Variants in GALNT5 observed in about 807,000 individuals in gnomAD.
The protein encoded by GALNT5 is polypeptide N-acetylgalactosaminyltransferase 5.
A neutral mutation model predicts 85.4 loss-of-function variants in GALNT5; 72 were observed. That is an observed-to-expected ratio of 0.84 (90% CI 0.70 to 1.03). The LOEUF is 1.03. GALNT5 is among the 50% of genes least tolerant of loss of function. GALNT5 has a pLI of 0.00. For missense variants in GALNT5, 1,137 were observed against 1,135.5 expected, an observed-to-expected ratio of 1.00 and a Z score of -0.02; for synonymous variants, 404 against 397.0, an observed-to-expected ratio of 1.02 and a Z score of -0.21.
At chr2:157,260,352 T>C (rs533275609) in intron 1 of GALNT5, among the ~76,000 whole-genome samples, 1 of 152,374 alleles carries the variant, frequency 6.6e-6, no homozygotes, top group Admixed American at 6.5e-5. Context: ...CTCAAGGTAA[T>C]GCAGTTCTAA....
chr2:157,299,751 T>C, intron 6 of GALNT5, 86 bp downstream of exon 6: 1 of 672,474 alleles, frequency 1.5e-6, no homozygotes, highest in East Asian at 2.7e-5. Context: ...TAATCAGGTA[T>C]GTGACTGCCA....
intron 3 of GALNT5, among the ~76,000 whole-genome samples, chr2:157,291,670 T>C (rs973782865): frequency 1.7e-5 from 2 of 115,090 alleles, no homozygotes; most frequent in Non-Finnish European, 3.3e-5. Flanking sequence ...ATGAAACCCA[T>C]CTGTAAACAA....
Position 157,317,838 on chromosome 2 carries a change from T to C in GALNT5, c.*6490T>C, listed in dbSNP as rs1227980940. On this transcript the variant is annotated 3_prime_UTR_variant, in exon 10 of 10. Coordinates refer to ENST00000259056, the MANE Select transcript of GALNT5 (RefSeq NM_014568.3). Reference sequence around the variant, plus strand: ...GCTTACTACTACCCATGTCATTGTGTTTGTATTGATTGCCTGGCTCAGTTA... The same window carrying C: ...GCTTACTACTACCCATGTCATTGTGCTTGTATTGATTGCCTGGCTCAGTTA... 1.3e-5 allele frequency among the ~76,000 whole-genome samples: 2 copies of C among 152,230 alleles called. No homozygotes were observed. Among genetic ancestry groups the C allele is most frequent in the African/African-American group, 4.8e-5 (2 of 41,562 alleles).
rs147516380 is a variant in GALNT5 at position 157,289,343 on chromosome 2, G to A, written c.1741+3209G>A. Among the ~76,000 whole-genome samples the A allele has an allele frequency of 6.8e-4, 103 of 152,278 alleles. 1 individual carries two copies. Among genetic ancestry groups the A allele is most frequent in the Non-Finnish European group, 2.2e-4 (15 of 68,016 alleles). On this transcript the variant is annotated intron_variant, in intron 3 of 9. Transcript: ENST00000259056. ...TAAATTCAGATTCATTAACAGCCTT[G>A]AGAATATTAGCTCAGTAACTGTCAA...
Position 157,257,990 on chromosome 2 carries a change from C to T in GALNT5, c.-93C>T. 7.2e-7 allele frequency: 1 copy of T among 1,383,898 alleles called. No individual in the cohort carries two copies. The highest frequency in any genetic ancestry group is 1.0e-6 in the Non-Finnish European group (1 of 990,296). 85.7% of individuals were successfully genotyped at this position (1,383,898 alleles called of 1,614,324 possible). A position where few individuals can be genotyped will look rare whatever the true frequency, so the allele number is the denominator to read the frequency against. On this transcript the variant is annotated 5_prime_UTR_variant, in exon 1 of 10. Coordinates refer to ENST00000259056, the MANE Select transcript of GALNT5 (RefSeq NM_014568.3). ...AGGGGGTCACTTTCTGGCAACTCTG[C>T]TGCTGCTGCTGCTGCTGCTGCTACT...
chr2:157,288,192 T>C (rs571566662), intron 3 of GALNT5, among the ~76,000 whole-genome samples: 21 of 152,346 alleles, frequency 1.4e-4, no homozygotes, highest in African/African-American at 5.1e-4. Flanking sequence ...TTCTCATAAC[T>C]GGACCCCATA....
rs192129265 is a variant in GALNT5, at chr2:157,288,484, G to C, written c.1741+2350G>C. ...GGTGAAGAATATTCCCAAGCAAATG[G>C]AACAAGAAGTACAAATGTCCTAATG... On this transcript the variant is annotated intron_variant, in intron 3 of 9. Coordinates refer to ENST00000259056, the MANE Select transcript of GALNT5 (RefSeq NM_014568.3). Among the ~76,000 whole-genome samples the C allele has an allele frequency of 3.9e-5, 6 of 152,244 alleles. No individual in the cohort carries two copies. The East Asian group carries it at 9.7e-4, about 25-fold the overall frequency.
intron 1 of GALNT5, among the ~76,000 whole-genome samples, chr2:157,269,169 G>C (rs542955521): frequency 1.1e-4 from 17 of 152,162 alleles, no homozygotes; most frequent in Middle Eastern, 3.2e-3. Context: ...TGAAAGACTA[G>C]AGTAAGAGTT....
At chr2:157,308,152 C>T (rs1222317909) in intron 8 of GALNT5, among the ~76,000 whole-genome samples, 1 of 152,152 alleles carries the variant, frequency 6.6e-6, no homozygotes, top group Non-Finnish European at 1.5e-5. Context: ...TGGCTTAGAA[C>T]CTTAATCATG....
intron 1 of GALNT5, among the ~76,000 whole-genome samples, chr2:157,273,519 G>GA (rs951436285): frequency 7.1e-4 from 100 of 141,164 alleles, no homozygotes; most frequent in Admixed American, 1.1e-3. Flanking sequence ...CAAATTTAGG[G>GA]AAAAAAAAAC....
intron 1 of GALNT5, among the ~76,000 whole-genome samples, chr2:157,263,659 A>G (rs972435562): frequency 1.3e-5 from 2 of 152,220 alleles, no homozygotes; most frequent in Non-Finnish European, 2.9e-5. Flanking sequence ...TTCAGAAGCA[A>G]CAGGTTTACA....
At chr2:157,264,712 G>A (rs967761545) in intron 1 of GALNT5, among the ~76,000 whole-genome samples, 2 of 152,022 alleles carry the variant, frequency 1.3e-5, no homozygotes, top group Non-Finnish European at 2.9e-5. Flanking sequence ...GATCCTAGTA[G>A]GGTCAAAAAC....
chr2:157,288,431 A>C (rs1002689155), intron 3 of GALNT5, among the ~76,000 whole-genome samples: 4 of 152,234 alleles, frequency 2.6e-5, no homozygotes, highest in African/African-American at 9.6e-5. Flanking sequence ...GAACTAGTTT[A>C]AATAGGTAAT....
rs1019622828 is a variant in GALNT5 at position 157,314,783 on chromosome 2, GA to G, written c.*3443del. ...TTGAATTCCTATATTCAGAATACAA[GA>G]AAAAAAATTTACCAACCAGGCGCAG... is the stretch of plus-strand genomic sequence containing the variant. On this transcript the variant is annotated 3_prime_UTR_variant, in exon 10 of 10. Transcript: ENST00000259056. Among the ~76,000 whole-genome samples the G allele has an allele frequency of 8.6e-5, 13 of 151,882 alleles. No individual in the cohort carries two copies. Among genetic ancestry groups the G allele is most frequent in the African/African-American group, 2.9e-4 (12 of 41,356 alleles).
At chr2:157,282,403 C>T (rs1052427476) in intron 1 of GALNT5, among the ~76,000 whole-genome samples, 1 of 152,078 alleles carries the variant, frequency 6.6e-6, no homozygotes, top group Non-Finnish European at 1.5e-5. Flanking sequence ...GGGCCCTCAG[C>T]AAACCTTGTA....
In GALNT5 at chr2:157,315,668, C is replaced by G. The variant is rs1683686233; in HGVS notation, c.*4320C>G. Among the ~76,000 whole-genome samples, 1 of 152,142 alleles carries G rather than the reference C, an allele frequency of 6.6e-6. No homozygotes were observed. Among genetic ancestry groups the G allele is most frequent in the East Asian group, 1.9e-4 (1 of 5,190 alleles). On this transcript the variant is annotated 3_prime_UTR_variant, in exon 10 of 10. Coordinates refer to ENST00000259056, the MANE Select transcript of GALNT5 (RefSeq NM_014568.3). ...TGTGATCTATCTCTTTGACTTCATG[C>G]AGAACCTATTCTTTTTCATCTCCTG...
At chr2:157,303,750 A>T (rs1031205658) in intron 7 of GALNT5, among the ~76,000 whole-genome samples, 5 of 152,192 alleles carry the variant, frequency 3.3e-5, no homozygotes, top group African/African-American at 1.2e-4. Context: ...CAAATGAGGG[A>T]GGGACATGTA....
In GALNT5 at chr2:157,284,265, C is replaced by T. The variant is rs1170262808; in HGVS notation, c.1455-17C>T. On this transcript the variant is annotated splice_polypyrimidine_tract_variant and intron_variant, in intron 1 of 9. Coordinates refer to ENST00000259056, the MANE Select transcript of GALNT5 (RefSeq NM_014568.3). ...TCCTTAGCACATCTCTTGTGCTCTG[C>T]TTATATTCTGGCCCAGATGTGCAGA... 1 of 1,611,490 alleles carries T rather than the reference C, an allele frequency of 6.2e-7. No individual in the cohort carries two copies. Among genetic ancestry groups the T allele is most frequent in the Admixed American group, 1.7e-5 (1 of 60,006 alleles).
intron 1 of GALNT5, among the ~76,000 whole-genome samples, chr2:157,281,728 G>A (rs1257738526): frequency 6.6e-6 from 1 of 152,178 alleles, no homozygotes; most frequent in Admixed American, 6.5e-5. Flanking sequence ...AGGCTTAGAA[G>A]GAAATATAGA....
Sources: allele counts gnomAD v4.1 joint callset (sites outside exome capture counted in the v4.1 genomes callset), GRCh38; gene constraint gnomAD v4.1.1; transcripts MANE v1.5; gene names NCBI Gene and HGNC (gene_info 2026-07-23, HGNC 2026-07-21).